The following AZGP1 variants were observed in gnomAD, a reference collection of about 807,000 sequenced individuals.
AZGP1 encodes the protein zinc-alpha-2-glycoprotein.
In AZGP1, 28 loss-of-function variants were observed where a neutral mutation model predicts 31.5. The observed-to-expected ratio is 0.89, with a 90% CI of 0.66 to 1.22. The LOEUF (loss-of-function observed/expected upper bound fraction) is 1.22, where lower values mean the gene tolerates loss of function less well. Ranked by LOEUF, AZGP1 falls within the 50% of genes most tolerant of loss-of-function variation. AZGP1 has a pLI of 0.00. For synonymous variants in AZGP1, 135 were observed against 145.4 expected, an observed-to-expected ratio of 0.93 and a Z score of 0.51; for missense variants, 361 against 371.8, an observed-to-expected ratio of 0.97 and a Z score of 0.24.
intron 2 of AZGP1, among the ~76,000 whole-genome samples, chr7:99,970,387 A>G (rs963707355): frequency 4.6e-5 from 7 of 151,894 alleles, no homozygotes; most frequent in African/African-American, 1.7e-4. Flanking sequence ...GGGACCACAG[A>G]CGTGTGCCAC....
intron 2 of AZGP1, among the ~76,000 whole-genome samples, chr7:99,970,946 A>G (rs1338873032): frequency 4.6e-5 from 7 of 152,150 alleles, no homozygotes; most frequent in Admixed American, 2.0e-4. Context: ...CACAGGGACC[A>G]TCTCTGCACG....
chr7:99,967,269 C>T lies in AZGP1; in HGVS notation c.631G>A (p.Val211Ile). Residue 211 changes from valine to isoleucine, a missense_variant, in exon 4 of 4, where the codon GTC becomes ATC. By Grantham distance (29) the Val-to-Ile change is conservative. Coordinates refer to ENST00000292401, the MANE Select transcript of AZGP1 (RefSeq NM_001185.4). The stretch of plus-strand genomic sequence containing the variant: ...TCTCCTGGGGCCTGGTGGCTGGTGA[C>T]CACCACAGAGGGAGGATCTGTGGAG... ...LDRQDPPSVV[V>I]TSHQAPGEKK... 1.2e-6 allele frequency: 2 copies of T among 1,612,496 alleles called. No homozygotes were observed.
chr7:99,969,704 G>C (rs1464907991), intron 2 of AZGP1, among the ~76,000 whole-genome samples: 1 of 152,152 alleles, frequency 6.6e-6, no homozygotes, highest in African/African-American at 2.4e-5. Context: ...ACACCAAAGT[G>C]TACTTCCAAA....
chr7:99,968,429 C>T lies in AZGP1; in HGVS notation c.339G>A (p.Gly113=). Residue 113 remains glycine (G), a splice_region_variant and synonymous_variant, in exon 3 of 4, where the codon GGG becomes GGA. Transcript: ENST00000292401. ...DIVEYYNDSN[G]SHVLQGRFGC... ...CAAACCTTCCCTGCAATACGTGAGA[C>T]CCTGAAAACTCCCCCGACCCCACAG... The T allele has an allele frequency of 1.2e-6, 2 of 1,613,546 alleles. No homozygotes were observed. Among genetic ancestry groups the T allele is most frequent in the Non-Finnish European group, 1.7e-6 (2 of 1,179,924 alleles).
intron 1 of AZGP1, 44 bp downstream of exon 1, chr7:99,975,901 C>T (rs1160185540): frequency 1.2e-6 from 2 of 1,605,262 alleles, no homozygotes; most frequent in African/African-American, 1.3e-5. Flanking sequence ...TCCTCACCTC[C>T]TTCCAGTCCT....
chr7:99,967,247 C>T lies in AZGP1; in HGVS notation c.653G>A (p.Gly218Glu), dbSNP rs143279151. Residue 218 changes from glycine (G) to glutamate (E), a missense_variant, in exon 4 of 4, where the codon GGA becomes GAA. Transcript: ENST00000292401. ...SVVVTSHQAP[G>E]EKKKLKCLAY... ...CAGGCACTTCAGTTTCTTCTTTTCT[C>T]CTGGGGCCTGGTGGCTGGTGACCAC... 7.2e-4 allele frequency: 1,163 copies of T among 1,613,126 alleles called. 16 individuals carry two copies. The highest frequency in any genetic ancestry group is 6.5e-3 in the South Asian group (594 of 90,960).
chr7:99,975,184 A>T (rs1038921410), intron 1 of AZGP1, among the ~76,000 whole-genome samples: 2 of 152,154 alleles, frequency 1.3e-5, no homozygotes, highest in Non-Finnish European at 2.9e-5. Context: ...ACCACCTATT[A>T]GTTCTGTTTC....
chr7:99,973,044 G>C (rs1433791017), intron 1 of AZGP1, among the ~76,000 whole-genome samples: 3 of 151,772 alleles, frequency 2.0e-5, no homozygotes, highest in African/African-American at 7.3e-5. Context: ...ATGAACCCGG[G>C]AGGCGGAGCT....
intron 2 of AZGP1, chr7:99,968,692 G>C (rs1789531538): frequency 1.0e-5 from 5 of 490,508 alleles, no homozygotes; most frequent in Non-Finnish European, 1.8e-5. Context: ...CCTGGGCGCT[G>C]TGGCTCATGC....
rs149513858 is a variant in AZGP1, at chr7:99,969,648, T to G, written c.338-1218A>C. Reference sequence around the variant, plus strand: ...TCTATAGCATCTCTTCTAAGGACAATTATTTGTTTGAATTTATGCTGAGTC... The same window carrying G: ...TCTATAGCATCTCTTCTAAGGACAAGTATTTGTTTGAATTTATGCTGAGTC... On this transcript the variant is annotated intron_variant, in intron 2 of 3. Transcript: ENST00000292401. Among the ~76,000 whole-genome samples, 85 of 152,144 alleles carry G rather than the reference T, an allele frequency of 5.6e-4. 1 individual carries two copies. Among genetic ancestry groups the G allele is most frequent in the African/African-American group, 1.8e-3 (75 of 41,506 alleles).
Position 99,967,094 on chromosome 7 carries a change from G to GCCA in AZGP1, c.803_805dup (p.Val268dup), listed in dbSNP as rs778159909. 1.6e-5 allele frequency: 26 copies of GCCA among 1,614,108 alleles called. No homozygotes were observed. In the African/African-American group the frequency reaches 3.3e-4, roughly 21 times the overall value. On this transcript the variant is annotated inframe_insertion, in exon 4 of 4. Coordinates refer to ENST00000292401, the MANE Select transcript of AZGP1 (RefSeq NM_001185.4). Reference sequence around the variant, plus strand: ...GGGGGCTGTGTCCTGCGGGGGCACTGCCACCACCACCCAGGACTGGTAAGT... The same window carrying GCCA: ...GGGGGCTGTGTCCTGCGGGGGCACTGCCACCACCACCACCCAGGACTGGTAAGT...
chr7:99,967,288 T>C lies in AZGP1; in HGVS notation c.614-2A>G. ...TGGTGACCACCACAGAGGGAGGATCTGTGGAGGGATAGAGTGTGACACTGC... is the reference window on the plus strand; with the variant it reads ...TGGTGACCACCACAGAGGGAGGATCCGTGGAGGGATAGAGTGTGACACTGC... On this transcript the variant is annotated splice_acceptor_variant, in intron 3 of 3. Transcript: ENST00000292401. LOFTEE classifies it high-confidence loss of function. 1.2e-6 allele frequency: 2 copies of C among 1,610,902 alleles called. No individual in the cohort carries two copies. The highest frequency in any genetic ancestry group is 1.7e-6 in the Non-Finnish European group (2 of 1,178,740).
Position 99,971,870 on chromosome 7 carries a change from C to A in AZGP1, c.213G>T (p.Met71Ile). ...TTCCTTCCACCTGTCTCCAGAGTCC[C>A]ATGGGCTGAGACTTCCTGTCTTTAC... ...YNSKDRKSQP[M>I]GLWRQVEGME... The change falls in exon 2 of 4, where the codon ATG becomes ATT. Residue 71 changes from methionine (M) to isoleucine (I), a missense_variant. Coordinates refer to ENST00000292401, the MANE Select transcript of AZGP1 (RefSeq NM_001185.4). 1 of 1,614,190 alleles carries A rather than the reference C, an allele frequency of 6.2e-7. No individual in the cohort carries two copies. The highest frequency in any genetic ancestry group is 8.5e-7 in the Non-Finnish European group (1 of 1,180,044).
At chr7:99,975,491 T>A (rs1209264557) in intron 1 of AZGP1, among the ~76,000 whole-genome samples, 3 of 152,058 alleles carry the variant, frequency 2.0e-5, no homozygotes, top group East Asian at 1.9e-4. Context: ...GTGTGGGATT[T>A]GGGCACGGGT....
Position 99,966,958 on chromosome 7 carries a change from C to G in AZGP1, c.*45G>C. 6.3e-7 allele frequency: 1 copy of G among 1,590,112 alleles called. No homozygotes were observed. On this transcript the variant is annotated 3_prime_UTR_variant, in exon 4 of 4. Coordinates refer to ENST00000292401, the MANE Select transcript of AZGP1 (RefSeq NM_001185.4). ...CAGCTCCCACATCAGGCAGGAAGGGCAGCTACTGGGTCTGAGATCCCACAT... is the reference window on the plus strand; with the variant it reads ...CAGCTCCCACATCAGGCAGGAAGGGGAGCTACTGGGTCTGAGATCCCACAT...
chr7:99,972,175 A>G (rs1404397092), intron 1 of AZGP1, among the ~76,000 whole-genome samples, 169 bp from the exon 2 acceptor site: 4 of 152,186 alleles, frequency 2.6e-5, no homozygotes, highest in Non-Finnish European at 4.4e-5. Flanking sequence ...CTCTACTTTC[A>G]TGCCTGAGAT....
intron 2 of AZGP1, chr7:99,968,852 A>G (rs1789536479): frequency 1.2e-5 from 2 of 172,118 alleles, no homozygotes; most frequent in Non-Finnish European, 2.4e-5. Flanking sequence ...AGCCCCAGCT[A>G]CTCAGGAGGC....
chr7:99,967,453 C>A (rs984690528), intron 3 of AZGP1, 167 bp from the exon 4 acceptor site: 21 of 755,104 alleles, frequency 2.8e-5, no homozygotes, highest in Non-Finnish European at 4.0e-5. Context: ...AAGGCTGACG[C>A]TTTCCCTCTT....
chr7:99,971,549 G>T, intron 2 of AZGP1, 197 bp downstream of exon 2: 1 of 645,592 alleles, frequency 1.5e-6, no homozygotes, highest in Non-Finnish European at 2.6e-6. Flanking sequence ...GGATGAGGAT[G>T]GGGCAATTGA....
Sources: gnomAD v4.1 joint callset for allele counts (sites outside exome capture counted in the v4.1 genomes callset) on GRCh38, gnomAD v4.1.1 for gene constraint, MANE v1.5 for transcripts, NCBI Gene and HGNC (gene_info 2026-07-23, HGNC 2026-07-21) for gene names.